The following CSMD1 variants were observed in gnomAD, a reference collection of about 807,000 sequenced individuals.
The protein encoded by CSMD1 is CUB and sushi domain-containing protein 1.
In CSMD1, 213 loss-of-function variants were observed where a neutral mutation model predicts 417.5. The observed-to-expected ratio is 0.51, with a 90% CI of 0.46 to 0.57. CSMD1 has a LOEUF of 0.57. Among genes scored for constraint, CSMD1 ranks in the 20% least tolerant of loss-of-function variants. CSMD1 has a pLI of 0.00. For missense variants in CSMD1, 6,923 were observed against 4,529.7 expected (o/e 1.53, Z -15.17); for synonymous variants, 2,862 against 1,736.8 (o/e 1.65, Z -16.11).
chr8:3,680,483 C>A (rs11532845), intron 7 of CSMD1, among the ~76,000 whole-genome samples: 68,983 of 151,882 alleles, frequency 0.45, 16,139 homozygotes, highest in Admixed American at 0.57. Context: ...CAAGACTAAA[C>A]CAGGAAGAAG....
chr8:4,138,806 G>T (rs1647358), intron 3 of CSMD1, among the ~76,000 whole-genome samples: 29,172 of 151,976 alleles, frequency 0.19, 3,021 homozygotes, highest in East Asian at 0.31. Context: ...TCATTTAATG[G>T]TATTTTTTTG....
At chr8:4,314,746 T>A (rs145410048) in intron 3 of CSMD1, among the ~76,000 whole-genome samples, 22 of 152,328 alleles carry the variant, frequency 1.4e-4, no homozygotes, top group Admixed American at 4.6e-4. Flanking sequence ...CATTTACACA[T>A]CTGACCCATG....
At chr8:4,530,420 G>T (rs1304846033) in intron 2 of CSMD1, among the ~76,000 whole-genome samples, 1 of 137,992 alleles carries the variant, frequency 7.2e-6, no homozygotes, top group Non-Finnish European at 1.5e-5. Flanking sequence ...GTGGTTTGCT[G>T]CATCTACCAA....
chr8:3,817,292 T>TA (rs1801438939), intron 5 of CSMD1, among the ~76,000 whole-genome samples: 5 of 93,574 alleles, frequency 5.3e-5, no homozygotes, highest in African/African-American at 2.1e-4. Context: ...TTTTTTTTTT[T>TA]TTTTTTGAGA....
intron 2 of CSMD1, among the ~76,000 whole-genome samples, chr8:4,486,200 CATACATATATATATATATATAT>C (rs1801392646): frequency 3.1e-4 from 3 of 9,816 alleles, no homozygotes; most frequent in Non-Finnish European, 4.3e-4. Flanking sequence ...TATATATATA[CATACATATATATATATATATAT>C]ATACATACAT....
chr8:3,313,488 G>A (rs1012584210), intron 23 of CSMD1, among the ~76,000 whole-genome samples: 2 of 152,182 alleles, frequency 1.3e-5, no homozygotes, highest in African/African-American at 2.4e-5. Flanking sequence ...TGACATTTAT[G>A]CAGCCAAAAG....
intron 3 of CSMD1, among the ~76,000 whole-genome samples, chr8:4,041,455 C>T (rs1449030369): frequency 6.6e-6 from 1 of 152,170 alleles, no homozygotes; most frequent in African/African-American, 2.4e-5. Context: ...CTACATCCAG[C>T]CTTAAAAAGT....
chr8:4,128,871 C>G (rs1802921599), intron 3 of CSMD1, among the ~76,000 whole-genome samples: 1 of 152,018 alleles, frequency 6.6e-6, no homozygotes, highest in South Asian at 2.1e-4. Flanking sequence ...TGTGCATGCG[C>G]TGTATCATGA....
At chr8:4,040,006 A>G (rs1054163245) in intron 3 of CSMD1, among the ~76,000 whole-genome samples, 32 of 152,152 alleles carry the variant, frequency 2.1e-4, no homozygotes, top group African/African-American at 7.2e-4. Context: ...AGTGCCCCAT[A>G]CATGTCAGGA....
intron 3 of CSMD1, among the ~76,000 whole-genome samples, chr8:4,105,532 G>C (rs1266333170): frequency 1.3e-5 from 2 of 152,152 alleles, no homozygotes; most frequent in Admixed American, 6.5e-5. Context: ...TTTTCTGCTG[G>C]ATGCAGACAA....
At chr8:3,580,703 G>C (rs985325499) in intron 9 of CSMD1, among the ~76,000 whole-genome samples, 3 of 152,142 alleles carry the variant, frequency 2.0e-5, no homozygotes, top group African/African-American at 7.2e-5. Context: ...AATTAACCGT[G>C]TGTTCTTCTG....
intron 12 of CSMD1, among the ~76,000 whole-genome samples, chr8:3,453,880 T>C (rs1815922147): frequency 6.6e-6 from 1 of 152,174 alleles, no homozygotes; most frequent in Non-Finnish European, 1.5e-5. Flanking sequence ...TAACTTTCTG[T>C]CTTGTTGAAA....
chr8:4,898,242 G>A (rs75893272), intron 1 of CSMD1, among the ~76,000 whole-genome samples: 2,645 of 152,204 alleles, frequency 0.017, 32 homozygotes, highest in Non-Finnish European at 0.026. Context: ...GAGCATCGGG[G>A]TGCTTAGATG....
In CSMD1 at chr8:3,042,696, C is replaced by T. The variant is rs142163293; in HGVS notation, c.7660+9766G>A. Among the ~76,000 whole-genome samples, 433 of 152,248 alleles carry T rather than the reference C, an allele frequency of 2.8e-3. 2 individuals carry two copies. Among genetic ancestry groups the T allele is most frequent in the African/African-American group, 9.9e-3 (412 of 41,538 alleles). ...GTATACTCTGGGCATGATAGCAGTA[C>T]TTCATAGGTTTGTTATAAGAGCTCA... On this transcript the variant is annotated intron_variant, in intron 50 of 69. Coordinates refer to ENST00000635120, the MANE Select transcript of CSMD1 (RefSeq NM_033225.6).
chr8:4,224,117 G>C (rs1373022225), intron 3 of CSMD1, among the ~76,000 whole-genome samples: 1 of 152,086 alleles, frequency 6.6e-6, no homozygotes, highest in African/African-American at 2.4e-5. Flanking sequence ...AAGAGTAACT[G>C]AACATACCAT....
chr8:3,911,887 T>A (rs79821335), intron 5 of CSMD1, among the ~76,000 whole-genome samples: 1,884 of 152,318 alleles, frequency 0.012, 18 homozygotes, highest in Middle Eastern at 0.031. Flanking sequence ...CTTACCTCCG[T>A]TATCTTTTCT....
intron 5 of CSMD1, among the ~76,000 whole-genome samples, chr8:3,882,734 G>C (rs1313997994): frequency 6.6e-6 from 1 of 152,332 alleles, no homozygotes; most frequent in South Asian, 2.1e-4. Flanking sequence ...CAATGTAGGT[G>C]AATGTCACAA....
At chr8:3,604,795 A>C (rs1461016021) in intron 8 of CSMD1, among the ~76,000 whole-genome samples, 1 of 152,080 alleles carries the variant, frequency 6.6e-6, no homozygotes, top group Non-Finnish European at 1.5e-5. Context: ...TGTGGTATCC[A>C]AGGGCATCAA....
At chr8:4,671,398 T>G (rs527527960) in intron 1 of CSMD1, among the ~76,000 whole-genome samples, 5 of 152,212 alleles carry the variant, frequency 3.3e-5, no homozygotes, top group African/African-American at 1.2e-4. Context: ...TGTAATCAAC[T>G]AGAAACTCTT....
Sources: allele counts gnomAD v4.1 joint callset (sites outside exome capture counted in the v4.1 genomes callset), GRCh38; gene constraint gnomAD v4.1.1; transcripts MANE v1.5; gene names NCBI Gene and HGNC (gene_info 2026-07-23, HGNC 2026-07-21).